The following ADGRG7 variants were observed in gnomAD, a reference collection of about 807,000 sequenced individuals.
ADGRG7 encodes adhesion G protein-coupled receptor G7.
A neutral mutation model predicts 88.6 loss-of-function variants in ADGRG7; 82 were observed. That is an observed-to-expected ratio of 0.93 (90% CI 0.77 to 1.11). The LOEUF is 1.11. Among genes scored for constraint, ADGRG7 ranks in the 50% most tolerant of loss-of-function variants. The pLI, the probability that ADGRG7 is intolerant of heterozygous loss-of-function variation, is 0.00. For missense variants in ADGRG7, 945 were observed against 953.4 expected (o/e 0.99, Z 0.12); for synonymous variants, 381 against 345.2 (o/e 1.10, Z -1.15).
At chr3:100,643,021 AC>A (rs1707671498) in intron 6 of ADGRG7, among the ~76,000 whole-genome samples, 1 of 152,226 alleles carries the variant, frequency 6.6e-6, no homozygotes, top group African/African-American at 2.4e-5. Flanking sequence ...CTTGAGTTCT[AC>A]CTTTTTGCCA....
At chr3:100,611,968 T>C (rs1455205248) in intron 1 of ADGRG7, among the ~76,000 whole-genome samples, 3 of 152,208 alleles carry the variant, frequency 2.0e-5, no homozygotes, top group Non-Finnish European at 4.4e-5. Context: ...TAAATTGTTT[T>C]TACATTTTTT....
At chr3:100,694,124 G>T (rs947144537) in intron 15 of ADGRG7, among the ~76,000 whole-genome samples, 7 of 152,176 alleles carry the variant, frequency 4.6e-5, no homozygotes, top group Non-Finnish European at 7.3e-5. Context: ...TTGATGTGAG[G>T]ATTACATGAG....
chr3:100,665,264 A>T, intron 14 of ADGRG7: 1 of 540,606 alleles, frequency 1.8e-6, no homozygotes, highest in East Asian at 5.4e-5. Flanking sequence ...GATATTTATA[A>T]CTATACACAA....
intron 13 of ADGRG7, among the ~76,000 whole-genome samples, chr3:100,656,196 A>G (rs1173717718): frequency 6.6e-6 from 1 of 152,216 alleles, no homozygotes; most frequent in Non-Finnish European, 1.5e-5. Context: ...TTTGTAAAGC[A>G]AGTAATCACC....
At chr3:100,651,402 G>A (rs1039104565) in intron 11 of ADGRG7, among the ~76,000 whole-genome samples, 6 of 152,296 alleles carry the variant, frequency 3.9e-5, no homozygotes, top group African/African-American at 1.4e-4. Context: ...TGGTCCCATA[G>A]GGATGAGTCA....
intron 9 of ADGRG7, 120 bp downstream of exon 9, chr3:100,646,228 G>GCT: frequency 5.0e-6 from 1 of 199,624 alleles, no homozygotes; most frequent in Non-Finnish European, 9.9e-6. Context: ...GGGGGGGAGG[G>GCT]TTTTCCATGA....
At chr3:100,676,297 G>A (rs1360895408) in intron 15 of ADGRG7, among the ~76,000 whole-genome samples, 4 of 151,680 alleles carry the variant, frequency 2.6e-5, no homozygotes, top group African/African-American at 9.7e-5. Context: ...GGTATGTTGT[G>A]TTTCCATTTT....
intron 11 of ADGRG7, among the ~76,000 whole-genome samples, chr3:100,650,779 T>A (rs796545681): frequency 6.6e-6 from 1 of 152,182 alleles, no homozygotes; most frequent in Non-Finnish European, 1.5e-5. Flanking sequence ...TGATATCCTG[T>A]TTCCCAAAAA....
At chr3:100,614,029 T>C (rs1449700122) in intron 1 of ADGRG7, among the ~76,000 whole-genome samples, 2 of 152,204 alleles carry the variant, frequency 1.3e-5, no homozygotes, top group Admixed American at 1.3e-4. Flanking sequence ...GAGGCTTAAA[T>C]GAGTCAATAT....
At chr3:100,630,156 T>G (rs1707440389) in intron 2 of ADGRG7, among the ~76,000 whole-genome samples, 1 of 151,952 alleles carries the variant, frequency 6.6e-6, no homozygotes, top group African/African-American at 2.4e-5. Flanking sequence ...CCTTGAAGAG[T>G]TGTTATTAAG....
At chr3:100,661,673 A>G (rs1474926237) in intron 14 of ADGRG7, among the ~76,000 whole-genome samples, 2 of 152,238 alleles carry the variant, frequency 1.3e-5, no homozygotes, top group Non-Finnish European at 2.9e-5. Context: ...ATCTCAAACA[A>G]TATTCAAGTA....
At chr3:100,687,590 T>C (rs992184766) in intron 15 of ADGRG7, among the ~76,000 whole-genome samples, 24 of 152,036 alleles carry the variant, frequency 1.6e-4, no homozygotes, top group South Asian at 6.2e-4. Flanking sequence ...GCACGAAGGG[T>C]TGTTGAATTT....
chr3:100,637,517 T>G, intron 6 of ADGRG7, 115 bp downstream of exon 6: 1 of 709,494 alleles, frequency 1.4e-6, no homozygotes, highest in Non-Finnish European at 2.4e-6. Flanking sequence ...ACTGACTGAT[T>G]CCTCTGGAAT....
chr3:100,671,804 A>G (rs1349057535), intron 15 of ADGRG7, among the ~76,000 whole-genome samples: 1 of 152,196 alleles, frequency 6.6e-6, no homozygotes, highest in Non-Finnish European at 1.5e-5. Context: ...ACCATTTATT[A>G]AATAGGGAAT....
chr3:100,635,840 A>T lies in ADGRG7; in HGVS notation c.597+14A>T. The T allele has an allele frequency of 6.3e-7, 1 of 1,589,642 alleles. No individual in the cohort carries two copies. Among genetic ancestry groups the T allele is most frequent in the Non-Finnish European group, 8.5e-7 (1 of 1,171,766 alleles). Reference sequence around the variant, plus strand: ...GCTTCACCTGAGGTAAAACTCACAGAGCTTTAAAAAAAATTTTTTTTTTAT... The same window carrying T: ...GCTTCACCTGAGGTAAAACTCACAGTGCTTTAAAAAAAATTTTTTTTTTAT... On this transcript the variant is annotated intron_variant, in intron 5 of 15. Transcript: ENST00000273352.
At chr3:100,635,926 A>G (rs1707533121) in intron 5 of ADGRG7, 100 bp downstream of exon 5, 3 of 869,814 alleles carry the variant, frequency 3.4e-6, no homozygotes, top group Non-Finnish European at 3.5e-6. Flanking sequence ...TTATTCCACA[A>G]TATGGTTTGA....
intron 10 of ADGRG7, among the ~76,000 whole-genome samples, chr3:100,647,031 C>T (rs1145344): frequency 0.89 from 135,561 of 151,852 alleles, 62,388 homozygotes; most frequent in East Asian, 1. Context: ...GTGGTGCACG[C>T]CTGTAATCCC....
intron 15 of ADGRG7, among the ~76,000 whole-genome samples, chr3:100,672,617 G>T (rs908939518): frequency 2.6e-5 from 4 of 152,142 alleles, no homozygotes; most frequent in East Asian, 1.9e-4. Context: ...TGAGAGAGGG[G>T]CATCCTTGTC....
chr3:100,659,962 G>A (rs779197181), intron 14 of ADGRG7, 119 bp downstream of exon 14: 25 of 907,608 alleles, frequency 2.8e-5, no homozygotes, highest in Non-Finnish European at 4.0e-5. Context: ...GGGCTACGTG[G>A]TTTACAGGAG....
Sources: gnomAD v4.1 joint callset for allele counts (sites outside exome capture counted in the v4.1 genomes callset) on GRCh38, gnomAD v4.1.1 for gene constraint, MANE v1.5 for transcripts, NCBI Gene and HGNC (gene_info 2026-07-23, HGNC 2026-07-21) for gene names.